AGBL4: variants seen among roughly 807,000 people sequenced by gnomAD.
AGBL4 encodes the protein cytosolic carboxypeptidase 6.
AGBL4 carries 58 observed loss-of-function variants against 66.4 expected under a neutral mutation model. The observed-to-expected ratio is 0.87, with a 90% CI of 0.71 to 1.09. The LOEUF is 1.09. Among genes scored for constraint, AGBL4 ranks in the 50% least tolerant of loss-of-function variants. AGBL4 has a pLI of 0.00. For synonymous variants in AGBL4, 234 were observed against 222.9 expected, an observed-to-expected ratio of 1.05 and a Z score of -0.44; for missense variants, 579 against 631.0, an observed-to-expected ratio of 0.92 and a Z score of 0.88.
chr1:49,915,432 A>G (rs746088316), intron 1 of AGBL4, among the ~76,000 whole-genome samples: 5 of 152,120 alleles, frequency 3.3e-5, no homozygotes, highest in Admixed American at 2.6e-4. Flanking sequence ...ACACCAAGAG[A>G]TTATATCCCG....
At chr1:49,770,664 G>C (rs147815525) in intron 2 of AGBL4, among the ~76,000 whole-genome samples, 2 of 152,148 alleles carry the variant, frequency 1.3e-5, no homozygotes, top group East Asian at 3.9e-4. Context: ...TTTTCATCAA[G>C]ATGTTTTATT....
At chr1:48,564,689 T>C (rs1644448096) in intron 11 of AGBL4, among the ~76,000 whole-genome samples, 1 of 152,212 alleles carries the variant, frequency 6.6e-6, no homozygotes, top group African/African-American at 2.4e-5. Context: ...ATGATAAGTA[T>C]GAAACAATAG....
chr1:49,047,056 T>C (rs1204108888), intron 4 of AGBL4, among the ~76,000 whole-genome samples: 2 of 152,166 alleles, frequency 1.3e-5, no homozygotes, highest in Admixed American at 1.3e-4. Context: ...CAGAGCATTA[T>C]AACATACTAG....
chr1:49,153,895 C>T (rs1221162905), intron 4 of AGBL4, among the ~76,000 whole-genome samples: 1 of 151,922 alleles, frequency 6.6e-6, no homozygotes, highest in Non-Finnish European at 1.5e-5. Flanking sequence ...GTTACTTAAC[C>T]CCTCTAAACC....
At chr1:49,329,045 G>A (rs752588725) in intron 3 of AGBL4, among the ~76,000 whole-genome samples, 7 of 152,166 alleles carry the variant, frequency 4.6e-5, no homozygotes, top group Admixed American at 1.3e-4. Context: ...AGTGGCTCAC[G>A]CCTGTAATCT....
intron 5 of AGBL4, among the ~76,000 whole-genome samples, chr1:49,007,885 C>T (rs1434126461): frequency 6.6e-6 from 1 of 151,412 alleles, no homozygotes; most frequent in East Asian, 1.9e-4. Context: ...AAGCACTAAA[C>T]ATGGAAAGGA....
At chr1:49,701,542 A>T (rs1157874436) in intron 2 of AGBL4, among the ~76,000 whole-genome samples, 2 of 152,116 alleles carry the variant, frequency 1.3e-5, no homozygotes, top group African/African-American at 4.8e-5. Flanking sequence ...CATACCTCAA[A>T]AAAAGTGATT....
chr1:49,391,524 G>C (rs959971678), intron 3 of AGBL4, among the ~76,000 whole-genome samples: 2 of 150,678 alleles, frequency 1.3e-5, no homozygotes, highest in Non-Finnish European at 3.0e-5. Context: ...GAATGAGAGA[G>C]CATGAAAAAT....
At chr1:49,124,373 A>T (rs751396269) in intron 4 of AGBL4, among the ~76,000 whole-genome samples, 1 of 152,184 alleles carries the variant, frequency 6.6e-6, no homozygotes, top group Non-Finnish European at 1.5e-5. Flanking sequence ...GCATAAACAC[A>T]TTTTGGAAGA....
chr1:48,824,206 C>T (rs1646376798), intron 6 of AGBL4, among the ~76,000 whole-genome samples: 1 of 152,130 alleles, frequency 6.6e-6, no homozygotes, highest in Non-Finnish European at 1.5e-5. Flanking sequence ...AAGTGGCTCA[C>T]AATGGGGGAG....
At chr1:49,562,472 A>G (rs1027238521) in intron 3 of AGBL4, among the ~76,000 whole-genome samples, 26 of 152,174 alleles carry the variant, frequency 1.7e-4, no homozygotes, top group Admixed American at 3.3e-4. Context: ...ATCCATCTTG[A>G]ATTAATTTTT....
Position 49,245,814 on chromosome 1 carries a change from T to A in AGBL4, c.333A>T (p.Arg111Ser). 6.5e-7 allele frequency: 1 copy of A among 1,549,906 alleles called. No homozygotes were observed. Among genetic ancestry groups the A allele is most frequent in the East Asian group, 2.4e-5 (1 of 40,866 alleles). Residue 111 changes from arginine to serine, a missense_variant, in exon 4 of 14, where the codon AGA (arginine) becomes AGT (serine). Transcript: ENST00000371839. Reference protein sequence around the residue: ...VNFSKTKSLYRDGMAPMVKST... With the variant: ...VNFSKTKSLYSDGMAPMVKST... Reference sequence around the variant, plus strand: ...ATTTCACCATAGGGGCCATCCCATCTCTATAGAGACTCTTGGTTTTACTGA... The same window carrying A: ...ATTTCACCATAGGGGCCATCCCATCACTATAGAGACTCTTGGTTTTACTGA...
chr1:50,008,933 C>A (rs1284392636), intron 1 of AGBL4, among the ~76,000 whole-genome samples: 1 of 152,032 alleles, frequency 6.6e-6, no homozygotes, highest in African/African-American at 2.4e-5. Context: ...CACATACAAC[C>A]TACCAAGATT....
intron 7 of AGBL4, among the ~76,000 whole-genome samples, chr1:48,662,435 C>T (rs369705053): frequency 2.0e-5 from 3 of 152,124 alleles, no homozygotes; most frequent in East Asian, 1.9e-4. Context: ...AGTTATAGAA[C>T]CTACACAGGC....
At chr1:49,438,968 C>T (rs1312347539) in intron 3 of AGBL4, among the ~76,000 whole-genome samples, 1 of 152,296 alleles carries the variant, frequency 6.6e-6, no homozygotes, top group Non-Finnish European at 1.5e-5. Context: ...TTACTGATCC[C>T]ATCTATGGTG....
chr1:49,952,297 T>C (rs1031162903), intron 1 of AGBL4, among the ~76,000 whole-genome samples: 5 of 151,834 alleles, frequency 3.3e-5, no homozygotes, highest in Non-Finnish European at 7.4e-5. Context: ...CCTGCAATCA[T>C]AACATGTAGT....
chr1:49,961,778 G>C (rs1267937188), intron 1 of AGBL4, among the ~76,000 whole-genome samples: 1 of 151,994 alleles, frequency 6.6e-6, no homozygotes, highest in African/African-American at 2.4e-5. Context: ...AGTCTCAGGA[G>C]GAACATGAAC....
intron 4 of AGBL4, among the ~76,000 whole-genome samples, chr1:49,114,972 GACATGACTAAGT>G (rs1645486619): frequency 1.3e-5 from 2 of 152,100 alleles, no homozygotes; most frequent in South Asian, 4.2e-4. Flanking sequence ...GTGACACAGA[GACATGACTAAGT>G]ACATGGTGTT....
chr1:49,051,950 G>T (rs1480421794), intron 4 of AGBL4, among the ~76,000 whole-genome samples: 3 of 152,088 alleles, frequency 2.0e-5, no homozygotes, highest in Non-Finnish European at 4.4e-5. Context: ...AGGGTGGGAG[G>T]AGAGAGACAG....
Sources: allele counts gnomAD v4.1 joint callset (sites outside exome capture counted in the v4.1 genomes callset), GRCh38; gene constraint gnomAD v4.1.1; transcripts MANE v1.5; gene names NCBI Gene and HGNC (gene_info 2026-07-23, HGNC 2026-07-21).